Variants in GPHN observed in about 807,000 individuals in gnomAD.
GPHN encodes the protein gephyrin.
Under a neutral mutation model 95.5 loss-of-function variants are expected in GPHN, and 17 were observed. The ratio of observed to expected loss-of-function variants is 0.18; its 90% CI spans 0.12 to 0.27. The LOEUF is 0.27. GPHN is among the 10% of genes least tolerant of loss of function. GPHN has a pLI of 1.00. For missense variants in GPHN, 660 were observed against 978.1 expected (o/e 0.67, Z 4.34); for synonymous variants, 320 against 322.5 (o/e 0.99, Z 0.08).
chr14:67,733,955 C>T, the GPHN span: 53 of 761,804 alleles, frequency 7.0e-5, no homozygotes, highest in East Asian at 4.3e-4. Flanking sequence ...GCTGGTGCTG[C>T]GAATCCTGCC....
chr14:67,239,349 G>T, the GPHN span, among the ~76,000 whole-genome samples: 1 of 152,262 alleles, frequency 6.6e-6, no homozygotes, highest in Non-Finnish European at 1.5e-5. Flanking sequence ...AGACATTTTT[G>T]ATTGTCACAT....
chr14:66,923,795 GT>G (rs112942126), intron 7 of GPHN, among the ~76,000 whole-genome samples: 38 of 148,732 alleles, frequency 2.6e-4, no homozygotes, highest in South Asian at 6.4e-4. Flanking sequence ...GCATTGTGAG[GT>G]TTTTTTTTTA....
At chr14:67,052,036 C>T (rs1182880341) in intron 10 of GPHN, among the ~76,000 whole-genome samples, 2 of 152,102 alleles carry the variant, frequency 1.3e-5, no homozygotes, top group Non-Finnish European at 2.9e-5. Context: ...AATGACGCTT[C>T]GAAGCAACTA....
At chr14:66,826,611 A>G (rs774522910) in intron 4 of GPHN, among the ~76,000 whole-genome samples, 5 of 152,054 alleles carry the variant, frequency 3.3e-5, no homozygotes, top group Admixed American at 2.0e-4. Flanking sequence ...CAGATTCACT[A>G]ATTTGCTAGA....
the GPHN span, among the ~76,000 whole-genome samples, chr14:67,439,056 A>G: frequency 1.3e-5 from 2 of 152,130 alleles, no homozygotes; most frequent in African/African-American, 4.8e-5. Flanking sequence ...GCCTTAGTCT[A>G]CATGTCACAA....
intron 16 of GPHN, among the ~76,000 whole-genome samples, chr14:67,117,128 A>G (rs138543902): frequency 1.3e-5 from 2 of 152,338 alleles, no homozygotes; most frequent in Non-Finnish European, 2.9e-5. Context: ...ACCACTATAA[A>G]AGTCAAATCA....
intron 19 of GPHN, among the ~76,000 whole-genome samples, chr14:67,162,691 G>A (rs1328232406): frequency 3.9e-5 from 6 of 152,118 alleles, no homozygotes; most frequent in Non-Finnish European, 5.9e-5. Flanking sequence ...TATCAAAATC[G>A]AATCTCATTT....
intron 5 of GPHN, among the ~76,000 whole-genome samples, chr14:66,883,346 T>C (rs953294476): frequency 3.3e-5 from 5 of 152,032 alleles, no homozygotes; most frequent in Admixed American, 1.3e-4. Context: ...CAGTTCTAAA[T>C]TCTCCATTTG....
intron 2 of GPHN, among the ~76,000 whole-genome samples, chr14:66,768,892 G>A (rs913752498): frequency 2.0e-5 from 3 of 151,764 alleles, no homozygotes; most frequent in African/African-American, 7.2e-5. Context: ...TTGACTAGTC[G>A]TCTAGATTTT....
At chr14:67,726,183 G>C in the GPHN span, 1 of 1,277,062 alleles carries the variant, frequency 7.8e-7, no homozygotes, top group East Asian at 2.3e-5. Flanking sequence ...ACTAAAAAAT[G>C]AGGTACACCC....
At chr14:67,225,567 T>C in the GPHN span, among the ~76,000 whole-genome samples, 1 of 152,210 alleles carries the variant, frequency 6.6e-6, no homozygotes, top group Non-Finnish European at 1.5e-5. Context: ...AACCTTATCA[T>C]GCTCTTTCCC....
chr14:67,164,161 G>A (rs111401435), intron 19 of GPHN, among the ~76,000 whole-genome samples: 1 of 150,952 alleles, frequency 6.6e-6, no homozygotes, highest in Non-Finnish European at 1.5e-5. Context: ...CCAGCTACTC[G>A]GGAGGCTGAG....
intron 2 of GPHN, among the ~76,000 whole-genome samples, chr14:66,702,266 G>A (rs2068623370): frequency 6.6e-6 from 1 of 152,174 alleles, no homozygotes. Flanking sequence ...TTCCCCCAGT[G>A]AAGCACAGCC....
chr14:67,306,217 G>A, the GPHN span, among the ~76,000 whole-genome samples: 23,421 of 151,648 alleles, frequency 0.15, 3,389 homozygotes, highest in East Asian at 0.42. Context: ...TGATCTGCCC[G>A]CCTTGGCCTC....
At chr14:66,673,739 T>G (rs1440253907) in intron 1 of GPHN, among the ~76,000 whole-genome samples, 1 of 152,266 alleles carries the variant, frequency 6.6e-6, no homozygotes, top group African/African-American at 2.4e-5. Flanking sequence ...ATTTTTCTTC[T>G]TTCTGAAGAA....
chr14:66,841,509 A>G (rs1429240457), intron 4 of GPHN, among the ~76,000 whole-genome samples: 1 of 152,202 alleles, frequency 6.6e-6, no homozygotes, highest in Non-Finnish European at 1.5e-5. Flanking sequence ...AGTGAGAAGT[A>G]GATTACTGAT....
the GPHN span, among the ~76,000 whole-genome samples, chr14:67,469,320 C>T: frequency 1.3e-5 from 2 of 150,132 alleles, no homozygotes; most frequent in African/African-American, 5.0e-5. Flanking sequence ...GTCTCACTGT[C>T]ACCCAGAATA....
the GPHN span, among the ~76,000 whole-genome samples, chr14:67,497,496 C>T: frequency 6.6e-6 from 1 of 152,160 alleles, no homozygotes. Flanking sequence ...AAGTGGACAC[C>T]TGGAATGCAA....
chr14:67,318,450 A>C, the GPHN span, among the ~76,000 whole-genome samples: 1 of 152,164 alleles, frequency 6.6e-6, no homozygotes, highest in African/African-American at 2.4e-5. Context: ...AAACAGACTG[A>C]AGTTAACTAG....
Sources: gnomAD v4.1 joint callset for allele counts (sites outside exome capture counted in the v4.1 genomes callset) on GRCh38, gnomAD v4.1.1 for gene constraint, MANE v1.5 for transcripts, NCBI Gene and HGNC (gene_info 2026-07-23, HGNC 2026-07-21) for gene names.